The following FAM83B variants were observed in gnomAD, a reference collection of about 807,000 sequenced individuals.
FAM83B encodes protein FAM83B.
In FAM83B, 26 loss-of-function variants were observed where a neutral mutation model predicts 38.8. That is an observed-to-expected ratio of 0.67 (90% CI 0.49 to 0.93). The LOEUF is 0.93. Among genes scored for constraint, FAM83B ranks in the 40% least tolerant of loss-of-function variants. FAM83B has a pLI of 0.00. For missense variants in FAM83B, 1,237 were observed against 1,197.3 expected, an observed-to-expected ratio of 1.03 and a Z score of -0.49; for synonymous variants, 419 against 423.1, an observed-to-expected ratio of 0.99 and a Z score of 0.12.
chr6:54,913,161 T>G (rs548331184), intron 2 of FAM83B, among the ~76,000 whole-genome samples: 3 of 152,070 alleles, frequency 2.0e-5, no homozygotes, highest in African/African-American at 7.2e-5. Context: ...GAATAGGAAG[T>G]TTTGTTTTGC....
chr6:54,933,778 C>T lies in FAM83B; in HGVS notation c.735-5928C>T, dbSNP rs531615818. 1.4e-4 allele frequency among the ~76,000 whole-genome samples: 22 copies of T among 152,278 alleles called. No individual in the cohort carries two copies. The South Asian group carries it at 4.6e-3, about 32-fold the overall frequency. On this transcript the variant is annotated intron_variant, in intron 4 of 4. Coordinates refer to ENST00000306858, the MANE Select transcript of FAM83B (RefSeq NM_001010872.3). ...ACCTCTATTTTCAATGATTTCTAAA[C>T]TCTGGTTCCAATCCTACCAGCACTC...
intron 2 of FAM83B, among the ~76,000 whole-genome samples, chr6:54,911,690 T>C (rs569718809): frequency 6.6e-6 from 1 of 152,134 alleles, no homozygotes; most frequent in African/African-American, 2.4e-5. Flanking sequence ...GCTGTGACTA[T>C]TGGGATTTTT....
intron 2 of FAM83B, among the ~76,000 whole-genome samples, chr6:54,884,089 G>A (rs1772206489): frequency 6.6e-6 from 1 of 152,132 alleles, no homozygotes; most frequent in East Asian, 1.9e-4. Flanking sequence ...GGATCACGAG[G>A]TCAAGAGATC....
chr6:54,899,181 T>C (rs187944935), intron 2 of FAM83B, among the ~76,000 whole-genome samples: 2 of 152,290 alleles, frequency 1.3e-5, no homozygotes, highest in East Asian at 3.9e-4. Context: ...TCATGAAATC[T>C]AGAGTTAGTC....
At chr6:54,890,660 T>C (rs1772379322) in intron 2 of FAM83B, among the ~76,000 whole-genome samples, 1 of 151,884 alleles carries the variant, frequency 6.6e-6, no homozygotes, top group South Asian at 2.1e-4. Flanking sequence ...CCTCCCCTCA[T>C]CTTCCCCCAC....
At chr6:54,918,889 C>T (rs1334471538) in intron 2 of FAM83B, among the ~76,000 whole-genome samples, 2 of 152,094 alleles carry the variant, frequency 1.3e-5, no homozygotes, top group Non-Finnish European at 2.9e-5. Flanking sequence ...CGCAGAGCTT[C>T]CTCTTTTGCT....
At chr6:54,869,512 T>C (rs1258349787) in intron 1 of FAM83B, among the ~76,000 whole-genome samples, 1 of 152,100 alleles carries the variant, frequency 6.6e-6, no homozygotes, top group Non-Finnish European at 1.5e-5. Context: ...TCATAATTAG[T>C]GAATGTACCA....
intron 1 of FAM83B, among the ~76,000 whole-genome samples, chr6:54,869,283 C>T (rs756017438): frequency 1.6e-4 from 24 of 152,162 alleles, no homozygotes; most frequent in African/African-American, 5.5e-4. Flanking sequence ...TTCCTCACTG[C>T]GTTTTTGAAC....
intron 2 of FAM83B, among the ~76,000 whole-genome samples, chr6:54,893,768 T>C (rs1451346910): frequency 3.3e-5 from 5 of 152,176 alleles, no homozygotes; most frequent in Non-Finnish European, 7.4e-5. Flanking sequence ...ACAAGAACCT[T>C]CTTAAGTTTA....
chr6:54,905,832 T>G (rs1262919490), intron 2 of FAM83B, among the ~76,000 whole-genome samples: 2 of 151,958 alleles, frequency 1.3e-5, no homozygotes, highest in African/African-American at 4.8e-5. Flanking sequence ...AGGAAATTGC[T>G]TCCTTTATAT....
In FAM83B at chr6:54,944,266, A is replaced by G. The variant is rs1024514617; in HGVS notation, c.*2259A>G. On this transcript the variant is annotated 3_prime_UTR_variant, in exon 5 of 5. Transcript: ENST00000306858. ...TGGATGAAATAGTTTTAAGCCATAT[A>G]CTTTCTGTCTTTTTTTCCCCATATT... 1 of 152,100 alleles carries G rather than the reference A, an allele frequency of 6.6e-6. No homozygotes were observed. The highest frequency in any genetic ancestry group is 1.5e-5 in the Non-Finnish European group (1 of 68,004). The allele number at this position is 152,100 out of a possible 1,614,324, so 9.4% of individuals were successfully genotyped here.
Position 54,870,780 on chromosome 6 carries a change from ATCTC to A in FAM83B, c.444+92_444+95del, listed in dbSNP as rs910718310. 16 of 1,240,044 alleles carry A rather than the reference ATCTC, an allele frequency of 1.3e-5. No homozygotes were observed. The African/African-American group carries it at 2.3e-4, about 18-fold the overall frequency. The allele number at this position is 1,240,044 out of a possible 1,614,324, so 76.8% of individuals were successfully genotyped here. A position where few individuals can be genotyped will look rare whatever the true frequency, so the allele number is the denominator to read the frequency against. On this transcript the variant is annotated intron_variant, in intron 2 of 4. Transcript: ENST00000306858. ...CACAAATATGTATGTTAATAAAAGAATCTCTATATGTATAGGCCATGCCTATTGT... is the reference window on the plus strand; with the variant it reads ...CACAAATATGTATGTTAATAAAAGAATATATGTATAGGCCATGCCTATTGT...
intron 2 of FAM83B, among the ~76,000 whole-genome samples, chr6:54,877,430 G>T (rs1206456251): frequency 6.6e-6 from 1 of 152,136 alleles, no homozygotes; most frequent in African/African-American, 2.4e-5. Context: ...CTGACATTTT[G>T]CATTTTAAGG....
intron 1 of FAM83B, among the ~76,000 whole-genome samples, chr6:54,852,269 C>A (rs1438167669): frequency 2.0e-5 from 3 of 152,234 alleles, no homozygotes; most frequent in African/African-American, 7.2e-5. Context: ...GCAAGTCTGT[C>A]AGTGCCATTT....
chr6:54,862,100 G>A (rs980069623), intron 1 of FAM83B, among the ~76,000 whole-genome samples: 8 of 152,120 alleles, frequency 5.3e-5, no homozygotes, highest in South Asian at 4.1e-4. Context: ...GTTTGTTTTC[G>A]TATTCCAGCC....
At chr6:54,906,339 A>C (rs2816810) in intron 2 of FAM83B, among the ~76,000 whole-genome samples, 104,245 of 152,054 alleles carry the variant, frequency 0.69, 37,545 homozygotes, top group East Asian at 0.9. Flanking sequence ...ATCAGATTTT[A>C]TTATCTAAAT....
Position 54,850,628 on chromosome 6 carries a change from TTA to T in FAM83B, c.-61+3809_-61+3810del, listed in dbSNP as rs373232777. ...CAACATAAGATGTTTGGGCTGTCAT[TTA>T]TATATACACACTGGCAATGATGGCT... On this transcript the variant is annotated intron_variant, in intron 1 of 4. Coordinates refer to ENST00000306858, the MANE Select transcript of FAM83B (RefSeq NM_001010872.3). Among the ~76,000 whole-genome samples, 135 of 152,324 alleles carry T rather than the reference TTA, an allele frequency of 8.9e-4. 3 individuals are homozygous for T. The East Asian group carries it at 0.024, about 27-fold the overall frequency.
At chr6:54,906,058 A>G (rs925770692) in intron 2 of FAM83B, among the ~76,000 whole-genome samples, 6 of 152,010 alleles carry the variant, frequency 3.9e-5, no homozygotes, top group Middle Eastern at 6.8e-3. Flanking sequence ...TATTCGAAAA[A>G]AAAAAAAAAA....
chr6:54,860,795 G>A (rs1771565529), intron 1 of FAM83B, among the ~76,000 whole-genome samples: 1 of 152,208 alleles, frequency 6.6e-6, no homozygotes, highest in African/African-American at 2.4e-5. Flanking sequence ...AATTTGAGAT[G>A]AATCAAAGAC....
Sources: allele counts gnomAD v4.1 joint callset (sites outside exome capture counted in the v4.1 genomes callset), GRCh38; gene constraint gnomAD v4.1.1; transcripts MANE v1.5; gene names NCBI Gene and HGNC (gene_info 2026-07-23, HGNC 2026-07-21).